Variants in NRXN3 observed in about 807,000 individuals in gnomAD.
The protein encoded by NRXN3 is neurexin 3.
Under a neutral mutation model 137.6 loss-of-function variants are expected in NRXN3, and 32 were observed. The observed-to-expected ratio is 0.23, with a 90% confidence interval of 0.18 to 0.31. NRXN3 has a LOEUF of 0.31. Among genes scored for constraint, NRXN3 ranks in the 10% least tolerant of loss-of-function variants. NRXN3 has a pLI of 1.00. For synonymous variants in NRXN3, 798 were observed against 784.5 expected (o/e 1.02, Z -0.29); for missense variants, 1,574 against 2,062.5 (o/e 0.76, Z 4.59).
At chr14:78,281,949 G>A (rs2074466177) in intron 3 of NRXN3, among the ~76,000 whole-genome samples, 1 of 152,134 alleles carries the variant, frequency 6.6e-6, no homozygotes, top group Non-Finnish European at 1.5e-5. Context: ...ACAGCACATG[G>A]CACAGAGCTT....
chr14:79,067,135 G>A (rs374914996), intron 15 of NRXN3, among the ~76,000 whole-genome samples: 5 of 152,132 alleles, frequency 3.3e-5, no homozygotes, highest in African/African-American at 1.2e-4. Context: ...TTTGAGATAT[G>A]TTTCTTTAAT....
chr14:78,913,692 T>C (rs1331219011), intron 10 of NRXN3, among the ~76,000 whole-genome samples: 2 of 152,172 alleles, frequency 1.3e-5, no homozygotes, highest in African/African-American at 4.8e-5. Context: ...AAGTTTCTGC[T>C]TGTGCCTTTG....
chr14:78,734,079 C>T (rs181713645), intron 8 of NRXN3, among the ~76,000 whole-genome samples: 4 of 152,146 alleles, frequency 2.6e-5, no homozygotes, highest in African/African-American at 4.8e-5. Flanking sequence ...TCTCCACTCT[C>T]GAATGCAGTG....
intron 15 of NRXN3, among the ~76,000 whole-genome samples, chr14:79,387,241 C>G (rs1352612353): frequency 3.0e-4 from 45 of 151,814 alleles, no homozygotes; most frequent in African/African-American, 1.0e-3. Flanking sequence ...ACAATGAACT[C>G]AAACAAATTT....
chr14:79,455,195 A>G (rs546785451), intron 15 of NRXN3, among the ~76,000 whole-genome samples: 222 of 152,302 alleles, frequency 1.5e-3, no homozygotes, highest in African/African-American at 5.1e-3. Flanking sequence ...CTCTGGTGAG[A>G]ATCTCTTTTC....
intron 15 of NRXN3, among the ~76,000 whole-genome samples, chr14:79,084,303 T>C (rs949483500): frequency 2.6e-5 from 4 of 152,176 alleles, no homozygotes; most frequent in Non-Finnish European, 5.9e-5. Context: ...TTAAAATTCA[T>C]AGAACTATAC....
chr14:78,433,129 G>A (rs1221976332), intron 4 of NRXN3, among the ~76,000 whole-genome samples: 2 of 152,124 alleles, frequency 1.3e-5, no homozygotes, highest in African/African-American at 2.4e-5. Context: ...CCCTATCCAA[G>A]CTCAGGCCTA....
At position 79,258,716 on chromosome 14, in the gene NRXN3, A is replaced by G. The variant is rs150626231; in HGVS notation, c.3263-208505A>G. On this transcript the variant is annotated intron_variant, in intron 15 of 20. Coordinates refer to ENST00000335750, the MANE Select transcript of NRXN3 (RefSeq NM_001330195.2). The stretch of plus-strand genomic sequence containing the variant: ...CAGCTCTTGGCTCATTGTTGGTGAC[A>G]AACTCAAGTAACAAACACTGCCTTT... 1.7e-3 allele frequency among the ~76,000 whole-genome samples: 264 copies of G among 152,328 alleles called. 1 individual carries two copies. The highest frequency in any genetic ancestry group is 6.2e-3 in the African/African-American group (256 of 41,574).
intron 8 of NRXN3, among the ~76,000 whole-genome samples, chr14:78,800,978 T>A (rs926071867): frequency 2.0e-5 from 3 of 152,208 alleles, no homozygotes; most frequent in African/African-American, 7.2e-5. Context: ...ATAACCATTT[T>A]AAAAATTATA....
At chr14:78,712,574 A>G (rs899949343) in intron 7 of NRXN3, among the ~76,000 whole-genome samples, 1 of 152,096 alleles carries the variant, frequency 6.6e-6, no homozygotes, top group African/African-American at 2.4e-5. Flanking sequence ...AATTAATTAA[A>G]TTTCTTGAGA....
chr14:79,004,481 T>C (rs996135783), intron 15 of NRXN3, among the ~76,000 whole-genome samples: 22 of 152,142 alleles, frequency 1.4e-4, no homozygotes, highest in Non-Finnish European at 3.1e-4. Flanking sequence ...TGGATGCAAG[T>C]GATGTGCCTG....
intron 19 of NRXN3, among the ~76,000 whole-genome samples, chr14:79,711,929 A>C (rs904002820): frequency 2.6e-5 from 4 of 152,086 alleles, no homozygotes; most frequent in African/African-American, 9.7e-5. Flanking sequence ...TTAGCTAGAG[A>C]GTTTCCTAAG....
chr14:78,356,947 A>G (rs1181008303), intron 4 of NRXN3, among the ~76,000 whole-genome samples: 1 of 152,202 alleles, frequency 6.6e-6, no homozygotes, highest in Non-Finnish European at 1.5e-5. Context: ...TTTTCCCTAT[A>G]TGGCAGGGGA....
chr14:78,803,407 T>G (rs956957682), intron 8 of NRXN3, among the ~76,000 whole-genome samples: 6 of 152,126 alleles, frequency 3.9e-5, no homozygotes, highest in Non-Finnish European at 7.3e-5. Flanking sequence ...GTCATCATAA[T>G]CCCCTTACAA....
chr14:78,854,071 CA>C (rs2099050211), intron 10 of NRXN3, among the ~76,000 whole-genome samples: 1 of 152,200 alleles, frequency 6.6e-6, no homozygotes, highest in South Asian at 2.1e-4. Flanking sequence ...GTCCATATGG[CA>C]ACCTTTAATT....
In NRXN3 at chr14:79,244,273, A is replaced by G. The variant is rs139623557; in HGVS notation, c.3263-222948A>G. 3.4e-3 allele frequency among the ~76,000 whole-genome samples: 521 copies of G among 152,130 alleles called. 5 individuals are homozygous for G. Among genetic ancestry groups the G allele is most frequent in the African/African-American group, 0.012 (479 of 41,514 alleles). On this transcript the variant is annotated intron_variant, in intron 15 of 20. Coordinates refer to ENST00000335750, the MANE Select transcript of NRXN3 (RefSeq NM_001330195.2). The stretch of plus-strand genomic sequence containing the variant: ...CATGGATGTGACCTGATCCTCCTCA[A>G]TCCTATGCTCCCTGACATCTAAAAT...
chr14:79,336,315 C>G (rs1232994368), intron 15 of NRXN3, among the ~76,000 whole-genome samples: 2 of 152,080 alleles, frequency 1.3e-5, no homozygotes, highest in Non-Finnish European at 2.9e-5. Context: ...AAAAAAATCA[C>G]CTTTTGACAA....
chr14:78,751,151 A>G (rs971400713), intron 8 of NRXN3, among the ~76,000 whole-genome samples: 1 of 152,040 alleles, frequency 6.6e-6, no homozygotes. Context: ...ATTCTTTACA[A>G]TTTCACAGTT....
intron 15 of NRXN3, among the ~76,000 whole-genome samples, chr14:79,259,706 TTA>T (rs1491350779): frequency 1.5e-5 from 1 of 68,548 alleles, no homozygotes; most frequent in East Asian, 4.8e-4. Context: ...ATATATAGTT[TTA>T]TACACACACA....
Sources: gnomAD v4.1 joint callset for allele counts (sites outside exome capture counted in the v4.1 genomes callset) on GRCh38, gnomAD v4.1.1 for gene constraint, MANE v1.5 for transcripts, NCBI Gene and HGNC (gene_info 2026-07-23, HGNC 2026-07-21) for gene names.